The following TEAD4 variants were observed in gnomAD, a reference collection of about 807,000 sequenced individuals.
TEAD4 encodes the protein transcriptional enhancer factor TEF-3.
Under a neutral mutation model 52.4 loss-of-function variants are expected in TEAD4, and 36 were observed. The observed-to-expected ratio is 0.69, with a 90% confidence interval of 0.53 to 0.91. The LOEUF (loss-of-function observed/expected upper bound fraction) is 0.91, where lower values mean the gene tolerates loss of function less well. Ranked by LOEUF, TEAD4 falls within the 40% of genes least tolerant of loss-of-function variation. The pLI is 0.00. For missense variants in TEAD4, 508 were observed against 583.9 expected, an observed-to-expected ratio of 0.87 and a Z score of 1.34; for synonymous variants, 220 against 231.0, an observed-to-expected ratio of 0.95 and a Z score of 0.43.
At chr12:2,987,806 C>T (rs2098239834) in intron 2 of TEAD4, among the ~76,000 whole-genome samples, 1 of 151,748 alleles carries the variant, frequency 6.6e-6, no homozygotes, top group African/African-American at 2.4e-5. Flanking sequence ...TGGCTCACAC[C>T]TGTAATCCCA....
Position 3,018,537 on chromosome 12 carries a change from C to T in TEAD4, c.484-8C>T. 1.2e-6 allele frequency: 2 copies of T among 1,614,118 alleles called. No homozygotes were observed. Among genetic ancestry groups the T allele is most frequent in the Non-Finnish European group, 1.7e-6 (2 of 1,179,982 alleles). ...GCCGTGCTGATTCCATGCCTTTTGCCTCCTCAGTTTTGGCAAGGAGCTTTG... is the reference window on the plus strand; with the variant it reads ...GCCGTGCTGATTCCATGCCTTTTGCTTCCTCAGTTTTGGCAAGGAGCTTTG... On this transcript the variant is annotated splice_region_variant and splice_polypyrimidine_tract_variant and intron_variant, in intron 6 of 12. Transcript: ENST00000359864.
At chr12:2,964,275 A>T (rs553832471) in intron 2 of TEAD4, among the ~76,000 whole-genome samples, 1 of 152,122 alleles carries the variant, frequency 6.6e-6, no homozygotes, top group African/African-American at 2.4e-5. Context: ...AGCCCCTGAG[A>T]TGTCTTTGCG....
chr12:3,001,259 C>G (rs2098251476), intron 3 of TEAD4, among the ~76,000 whole-genome samples: 1 of 152,160 alleles, frequency 6.6e-6, no homozygotes, highest in African/African-American at 2.4e-5. Context: ...GTAAAATTAA[C>G]CATTTAAGCC....
chr12:2,991,357 A>G (rs919109979), intron 2 of TEAD4, among the ~76,000 whole-genome samples: 5 of 151,610 alleles, frequency 3.3e-5, no homozygotes, highest in African/African-American at 1.2e-4. Flanking sequence ...AAAGTTGGCA[A>G]CTCTTTTAAG....
At chr12:3,010,912 C>T (rs2286647) in intron 3 of TEAD4, 92 bp from the exon 4 acceptor site, 109,582 of 1,397,110 alleles carry the variant, frequency 0.078, 9,224 homozygotes, top group African/African-American at 0.34. Context: ...AGAGTGAGGG[C>T]AGGGCTCCTC....
chr12:3,006,588 G>A (rs2098256096), intron 3 of TEAD4, among the ~76,000 whole-genome samples: 2 of 152,124 alleles, frequency 1.3e-5, no homozygotes. Context: ...GGAGGCTGAG[G>A]CAGGAGAATC....
chr12:2,995,818 G>A (rs1209397788), intron 3 of TEAD4, among the ~76,000 whole-genome samples: 1 of 151,990 alleles, frequency 6.6e-6, no homozygotes, highest in Non-Finnish European at 1.5e-5. Context: ...ACCAGCCTGG[G>A]CAACAAAGCG....
chr12:2,978,408 T>G (rs895318269), intron 2 of TEAD4, among the ~76,000 whole-genome samples: 1 of 150,540 alleles, frequency 6.6e-6, no homozygotes, highest in African/African-American at 2.4e-5. Context: ...TTTTTTTTTG[T>G]TTTGTTTTGT....
At chr12:2,967,654 A>G (rs2098221526) in intron 2 of TEAD4, among the ~76,000 whole-genome samples, 1 of 152,230 alleles carries the variant, frequency 6.6e-6, no homozygotes, top group Non-Finnish European at 1.5e-5. Context: ...TGAAAAACGA[A>G]GGAAGAGGGA....
At chr12:2,991,891 T>G (rs2098243283) in intron 2 of TEAD4, among the ~76,000 whole-genome samples, 1 of 151,980 alleles carries the variant, frequency 6.6e-6, no homozygotes, top group Admixed American at 6.6e-5. Context: ...GACCTTGACC[T>G]GCACCTTGGC....
At chr12:3,002,218 G>GT (rs1316005513) in intron 3 of TEAD4, among the ~76,000 whole-genome samples, 4 of 152,198 alleles carry the variant, frequency 2.6e-5, no homozygotes, top group African/African-American at 9.6e-5. Flanking sequence ...TTAAGGCTGG[G>GT]TAATATTCCA....
At chr12:2,989,828 T>C (rs1439819581) in intron 2 of TEAD4, among the ~76,000 whole-genome samples, 1 of 152,268 alleles carries the variant, frequency 6.6e-6, no homozygotes, top group Admixed American at 6.5e-5. Context: ...GTTTTGGGTA[T>C]TCTGCAGTGT....
At chr12:3,010,454 C>G (rs1275561867) in intron 3 of TEAD4, among the ~76,000 whole-genome samples, 1 of 152,220 alleles carries the variant, frequency 6.6e-6, no homozygotes, top group African/African-American at 2.4e-5. Flanking sequence ...TCTTTATGAG[C>G]GGACGGGCTC....
At chr12:2,995,641 C>T (rs1296649149) in intron 3 of TEAD4, among the ~76,000 whole-genome samples, 1 of 152,076 alleles carries the variant, frequency 6.6e-6, no homozygotes, top group African/African-American at 2.4e-5. Flanking sequence ...TTCAGCGATG[C>T]ATGGGAAGGA....
At chr12:2,984,808 A>C (rs1236979807) in intron 2 of TEAD4, among the ~76,000 whole-genome samples, 1 of 152,204 alleles carries the variant, frequency 6.6e-6, no homozygotes, top group African/African-American at 2.4e-5. Context: ...AATATAAAAG[A>C]TAACAAATGG....
chr12:3,016,604 G>GA (rs375115024), intron 5 of TEAD4, among the ~76,000 whole-genome samples: 6,290 of 129,378 alleles, frequency 0.049, 174 homozygotes, highest in African/African-American at 0.073. Context: ...CCTGTCTCTG[G>GA]AAAAAAAAAA....
intron 5 of TEAD4, among the ~76,000 whole-genome samples, chr12:3,014,128 C>A (rs890443739): frequency 3.3e-5 from 5 of 152,206 alleles, no homozygotes; most frequent in African/African-American, 9.6e-5. Flanking sequence ...CCTGGGACAG[C>A]TGACCAGCCC....
intron 10 of TEAD4, among the ~76,000 whole-genome samples, chr12:3,025,524 C>CT (rs796603026): frequency 0.025 from 3,685 of 145,906 alleles, 150 homozygotes; most frequent in African/African-American, 0.083. Flanking sequence ...AAAATGATGA[C>CT]TTTTTTTTTT....
rs145416157 is a variant in TEAD4 at position 3,004,709 on chromosome 12, G to A, written c.227-6295G>A. On this transcript the variant is annotated intron_variant, in intron 3 of 12. Coordinates refer to ENST00000359864, the MANE Select transcript of TEAD4 (RefSeq NM_003213.4). Reference sequence around the variant, plus strand: ...TGTCACAGGATACATATCTGTATCCGCACAGATACTTGTACTGATGAGGTA... The same window carrying A: ...TGTCACAGGATACATATCTGTATCCACACAGATACTTGTACTGATGAGGTA... Among the ~76,000 whole-genome samples the A allele has an allele frequency of 8.5e-5, 13 of 152,290 alleles. No individual in the cohort carries two copies. The East Asian group carries it at 2.3e-3, about 27-fold the overall frequency.
Sources: allele counts gnomAD v4.1 joint callset (sites outside exome capture counted in the v4.1 genomes callset), GRCh38; gene constraint gnomAD v4.1.1; transcripts MANE v1.5; gene names NCBI Gene and HGNC (gene_info 2026-07-23, HGNC 2026-07-21).